The following CACNB2 variants were observed in gnomAD, a reference collection of about 807,000 sequenced individuals.
CACNB2 encodes voltage-dependent L-type calcium channel subunit beta-2.
CACNB2 carries 42 observed loss-of-function variants against 73.3 expected under a neutral mutation model. That is an observed-to-expected ratio of 0.57 (90% CI 0.45 to 0.74). The LOEUF is 0.74. Ranked by LOEUF, CACNB2 falls within the 30% of genes least tolerant of loss-of-function variation. The pLI is 0.00. For missense variants in CACNB2, 940 were observed against 853.0 expected, an observed-to-expected ratio of 1.10 and a Z score of -1.27; for synonymous variants, 348 against 310.3, an observed-to-expected ratio of 1.12 and a Z score of -1.28.
intron 2 of CACNB2, among the ~76,000 whole-genome samples, chr10:18,194,261 C>T (rs2034531595): frequency 1.3e-5 from 2 of 152,164 alleles, no homozygotes; most frequent in Admixed American, 1.3e-4. Context: ...GCAGTTGCAA[C>T]TGGTTAATGA....
At chr10:18,495,103 T>C (rs2049710100) in intron 3 of CACNB2, among the ~76,000 whole-genome samples, 1 of 152,114 alleles carries the variant, frequency 6.6e-6, no homozygotes, top group African/African-American at 2.4e-5. Flanking sequence ...AAGAAAATAA[T>C]TCTAAGTAGA....
intron 2 of CACNB2, among the ~76,000 whole-genome samples, chr10:18,253,957 C>A (rs2037182643): frequency 6.6e-6 from 1 of 152,078 alleles, no homozygotes; most frequent in Admixed American, 6.6e-5. Context: ...TTTAAAAGCC[C>A]AGAAACTAAG....
intron 2 of CACNB2, among the ~76,000 whole-genome samples, chr10:18,225,732 C>A (rs756867842): frequency 8.6e-5 from 13 of 151,874 alleles, no homozygotes; most frequent in Non-Finnish European, 1.8e-4. Flanking sequence ...CTCCACCTCC[C>A]GGGCTCTAAT....
At chr10:18,421,757 C>T (rs1360535081) in intron 3 of CACNB2, among the ~76,000 whole-genome samples, 2 of 152,228 alleles carry the variant, frequency 1.3e-5, no homozygotes, top group Non-Finnish European at 1.5e-5. Flanking sequence ...GCCTCTGAAA[C>T]AAACCTATAT....
intron 2 of CACNB2, among the ~76,000 whole-genome samples, chr10:18,282,118 G>A (rs2038579605): frequency 6.6e-6 from 1 of 151,916 alleles, no homozygotes; most frequent in African/African-American, 2.4e-5. Context: ...GCAGTGGGGA[G>A]CATTTGTTCA....
At chr10:18,158,650 C>G (rs2032230722) in intron 2 of CACNB2, among the ~76,000 whole-genome samples, 2 of 151,978 alleles carry the variant, frequency 1.3e-5, no homozygotes, top group Admixed American at 1.3e-4. Context: ...TTTTTCATAT[C>G]ACTTCTTTTC....
At chr10:18,360,670 G>C (rs1243939890) in intron 2 of CACNB2, among the ~76,000 whole-genome samples, 1 of 152,184 alleles carries the variant, frequency 6.6e-6, no homozygotes, top group Admixed American at 6.5e-5. Flanking sequence ...TTGATCACGG[G>C]GCTAAGATAT....
At chr10:18,297,822 G>C (rs1220209335) in intron 2 of CACNB2, among the ~76,000 whole-genome samples, 1 of 152,150 alleles carries the variant, frequency 6.6e-6, no homozygotes, top group African/African-American at 2.4e-5. Context: ...GTGCATTGGA[G>C]TGCACTATCC....
chr10:18,466,284 A>G (rs1263174468), intron 3 of CACNB2, among the ~76,000 whole-genome samples: 1 of 152,118 alleles, frequency 6.6e-6, no homozygotes. Context: ...CACCCAGCCT[A>G]GAGTGCAGTG....
At chr10:18,244,446 A>T (rs988968571) in intron 2 of CACNB2, among the ~76,000 whole-genome samples, 3 of 152,184 alleles carry the variant, frequency 2.0e-5, no homozygotes, top group Non-Finnish European at 4.4e-5. Context: ...AACGTGCAAA[A>T]CAGTCTCTCA....
chr10:18,342,874 T>C (rs1415234255), intron 2 of CACNB2, among the ~76,000 whole-genome samples: 2 of 152,154 alleles, frequency 1.3e-5, no homozygotes, highest in African/African-American at 2.4e-5. Context: ...ATATGTATTA[T>C]GGGATAGTTG....
At chr10:18,415,461 G>A (rs2044893634) in intron 3 of CACNB2, among the ~76,000 whole-genome samples, 1 of 88,470 alleles carries the variant, frequency 1.1e-5, no homozygotes, top group Non-Finnish European at 2.3e-5. Flanking sequence ...GAAAGACCTT[G>A]TCTCTTAAAA....
At chr10:18,384,873 T>C (rs2043160784) in intron 2 of CACNB2, among the ~76,000 whole-genome samples, 1 of 151,828 alleles carries the variant, frequency 6.6e-6, no homozygotes, top group Non-Finnish European at 1.5e-5. Flanking sequence ...TGGCTGCTGG[T>C]TCCTCAGTTT....
At chr10:18,145,937 A>G (rs2030922552) in intron 1 of CACNB2, among the ~76,000 whole-genome samples, 1 of 151,850 alleles carries the variant, frequency 6.6e-6, no homozygotes, top group Admixed American at 6.6e-5. Flanking sequence ...GGGCAGATAG[A>G]TCTCTGCTTC....
chr10:18,145,226 C>T (rs2030843254), intron 1 of CACNB2, among the ~76,000 whole-genome samples: 1 of 152,214 alleles, frequency 6.6e-6, no homozygotes, highest in Non-Finnish European at 1.5e-5. Flanking sequence ...GGAGCTTTAT[C>T]CAAAAAGAGT....
intron 2 of CACNB2, among the ~76,000 whole-genome samples, chr10:18,218,450 T>C (rs1423153069): frequency 6.6e-6 from 1 of 152,242 alleles, no homozygotes; most frequent in Non-Finnish European, 1.5e-5. Flanking sequence ...ATAACATTTT[T>C]ATTCTGTAGA....
At chr10:18,456,082 C>G (rs1046495377) in intron 3 of CACNB2, among the ~76,000 whole-genome samples, 5 of 152,156 alleles carry the variant, frequency 3.3e-5, no homozygotes, top group African/African-American at 1.2e-4. Context: ...TCGTTGTTGT[C>G]AATTATTCTT....
chr10:18,347,024 T>C (rs1008120406), intron 2 of CACNB2, among the ~76,000 whole-genome samples: 8 of 152,146 alleles, frequency 5.3e-5, no homozygotes, highest in African/African-American at 9.7e-5. Context: ...GCCATACTCA[T>C]TGATAAAAGT....
chr10:18,225,240 G>T (rs1395107939), intron 2 of CACNB2, among the ~76,000 whole-genome samples: 1 of 152,076 alleles, frequency 6.6e-6, no homozygotes, highest in Non-Finnish European at 1.5e-5. Context: ...CCCTGGCAGA[G>T]GATGGGGGAT....
Sources: allele counts gnomAD v4.1 joint callset (sites outside exome capture counted in the v4.1 genomes callset), GRCh38; gene constraint gnomAD v4.1.1; transcripts MANE v1.5; gene names NCBI Gene and HGNC (gene_info 2026-07-23, HGNC 2026-07-21).